The following SPOCK1 variants were observed in gnomAD, a reference collection of about 807,000 sequenced individuals.
SPOCK1 encodes the protein SPARC (osteonectin), cwcv and kazal like domains proteoglycan 1.
Under a neutral mutation model 55.3 loss-of-function variants are expected in SPOCK1, and 23 were observed. That is an observed-to-expected ratio of 0.42 (90% CI 0.30 to 0.59). The LOEUF (loss-of-function observed/expected upper bound fraction) is 0.59, where lower values mean the gene tolerates loss of function less well. SPOCK1 is among the 20% of genes least tolerant of loss of function. The pLI is 0.22. For missense variants in SPOCK1, 499 were observed against 552.5 expected (o/e 0.90, Z 0.97); for synonymous variants, 226 against 221.0 (o/e 1.02, Z -0.20).
At chr5:137,431,888 A>G (rs1178827735) in intron 2 of SPOCK1, among the ~76,000 whole-genome samples, 1 of 152,226 alleles carries the variant, frequency 6.6e-6, no homozygotes, top group Non-Finnish European at 1.5e-5. Context: ...CGTCTTTGGT[A>G]TTCTATCACA....
At chr5:137,137,837 G>C (rs1341282729) in intron 4 of SPOCK1, among the ~76,000 whole-genome samples, 1 of 152,170 alleles carries the variant, frequency 6.6e-6, no homozygotes, top group African/African-American at 2.4e-5. Context: ...GAGATTTCTG[G>C]CTGACCTTCC....
chr5:137,303,698 G>T (rs983716955), intron 2 of SPOCK1, among the ~76,000 whole-genome samples: 1 of 152,190 alleles, frequency 6.6e-6, no homozygotes, highest in African/African-American at 2.4e-5. Context: ...TTCAGGAGGA[G>T]GGGAGGTTTG....
chr5:137,121,001 AC>A (rs1753673283), intron 4 of SPOCK1, among the ~76,000 whole-genome samples: 1 of 152,138 alleles, frequency 6.6e-6, no homozygotes, highest in Non-Finnish European at 1.5e-5. Flanking sequence ...TTAAATTTCC[AC>A]CTTAATATTT....
intron 2 of SPOCK1, among the ~76,000 whole-genome samples, chr5:137,490,575 A>C (rs4246797): frequency 6.6e-6 from 1 of 152,198 alleles, no homozygotes; most frequent in Non-Finnish European, 1.5e-5. Flanking sequence ...GACAAGATGA[A>C]GTTTCTACCT....
intron 3 of SPOCK1, among the ~76,000 whole-genome samples, chr5:137,154,465 G>C (rs1754376911): frequency 6.6e-6 from 1 of 152,218 alleles, no homozygotes; most frequent in Non-Finnish European, 1.5e-5. Context: ...AGGGCCCCAG[G>C]ATGGGAAATG....
At chr5:137,068,249 A>G (rs907586261) in intron 5 of SPOCK1, among the ~76,000 whole-genome samples, 1 of 151,840 alleles carries the variant, frequency 6.6e-6, no homozygotes, top group African/African-American at 2.4e-5. Flanking sequence ...GCCTGCTCAC[A>G]TGCTCTTCCT....
intron 2 of SPOCK1, among the ~76,000 whole-genome samples, chr5:137,496,436 C>A (rs185933522): frequency 3.3e-4 from 50 of 152,292 alleles, no homozygotes; most frequent in African/African-American, 1.2e-3. Context: ...CATGAAAGCA[C>A]AGTAAACCTT....
At chr5:137,263,230 T>A (rs1756782990) in intron 3 of SPOCK1, among the ~76,000 whole-genome samples, 1 of 152,228 alleles carries the variant, frequency 6.6e-6, no homozygotes, top group Non-Finnish European at 1.5e-5. Flanking sequence ...TAAATGGGTT[T>A]CTTTACTGAA....
At chr5:137,188,458 T>C (rs1318046056) in intron 3 of SPOCK1, among the ~76,000 whole-genome samples, 1 of 152,174 alleles carries the variant, frequency 6.6e-6, no homozygotes, top group Non-Finnish European at 1.5e-5. Context: ...TCATTATATG[T>C]ATTAGGGTGC....
chr5:137,390,132 C>T (rs774894671), intron 2 of SPOCK1, among the ~76,000 whole-genome samples: 3 of 152,174 alleles, frequency 2.0e-5, no homozygotes, highest in Non-Finnish European at 4.4e-5. Context: ...CTAAAAGGGA[C>T]TCTGCAACCT....
At chr5:137,429,656 T>C (rs1352350973) in intron 2 of SPOCK1, among the ~76,000 whole-genome samples, 3 of 152,216 alleles carry the variant, frequency 2.0e-5, no homozygotes, top group African/African-American at 7.2e-5. Context: ...AAAGGGGATT[T>C]CCCAAAGCCT....
At chr5:137,097,818 T>A (rs563599480) in intron 5 of SPOCK1, among the ~76,000 whole-genome samples, 7 of 152,226 alleles carry the variant, frequency 4.6e-5, no homozygotes, top group African/African-American at 4.8e-5. Flanking sequence ...GGATTAATAA[T>A]GAGTAAGAAA....
chr5:137,271,744 GAACCAAATGAA>G (rs1756968447), intron 2 of SPOCK1, among the ~76,000 whole-genome samples: 2 of 152,124 alleles, frequency 1.3e-5, no homozygotes, highest in South Asian at 2.1e-4. Flanking sequence ...TGGGGTGGCA[GAACCAAATGAA>G]AACCCAATTG....
chr5:137,007,221 A>G (rs1183372983), intron 6 of SPOCK1, among the ~76,000 whole-genome samples: 1 of 152,218 alleles, frequency 6.6e-6, no homozygotes, highest in Non-Finnish European at 1.5e-5. Context: ...CATTCAGGAC[A>G]TAGGCATAGG....
At chr5:137,025,320 G>C (rs1039129763) in intron 6 of SPOCK1, among the ~76,000 whole-genome samples, 2 of 151,994 alleles carry the variant, frequency 1.3e-5, no homozygotes, top group African/African-American at 2.4e-5. Flanking sequence ...TTTCAAAAAA[G>C]ACTGGCAGCA....
chr5:137,276,505 G>A (rs925472416), intron 2 of SPOCK1, among the ~76,000 whole-genome samples: 10 of 152,208 alleles, frequency 6.6e-5, no homozygotes, highest in African/African-American at 2.4e-4. Flanking sequence ...AGGGCCAGGG[G>A]CTGGGTGGCC....
intron 5 of SPOCK1, among the ~76,000 whole-genome samples, chr5:137,106,725 G>T (rs931634575): frequency 6.6e-5 from 10 of 152,108 alleles, no homozygotes; most frequent in Non-Finnish European, 1.5e-4. Flanking sequence ...TGCCCACCCT[G>T]CAGCCAGTGT....
intron 2 of SPOCK1, among the ~76,000 whole-genome samples, chr5:137,362,802 G>T (rs891426539): frequency 2.6e-5 from 4 of 152,166 alleles, no homozygotes; most frequent in Non-Finnish European, 5.9e-5. Flanking sequence ...GGGCAGATTT[G>T]GCCTGAGGGC....
chr5:137,398,601 A>G (rs1751906384), intron 2 of SPOCK1, among the ~76,000 whole-genome samples: 2 of 152,206 alleles, frequency 1.3e-5, no homozygotes, highest in Admixed American at 1.3e-4. Context: ...TGGGGGAATT[A>G]TGAGAGTAAA....
Sources: allele counts gnomAD v4.1 joint callset (sites outside exome capture counted in the v4.1 genomes callset), GRCh38; gene constraint gnomAD v4.1.1; transcripts MANE v1.5; gene names NCBI Gene and HGNC (gene_info 2026-07-23, HGNC 2026-07-21).